Variants in MYO5B observed in about 807,000 individuals in gnomAD.
MYO5B encodes unconventional myosin-Vb.
A neutral mutation model predicts 229.3 loss-of-function variants in MYO5B; 143 were observed. That is an observed-to-expected ratio of 0.62 (90% CI 0.54 to 0.72). MYO5B has a LOEUF of 0.72. MYO5B is among the 30% of genes least tolerant of loss of function. MYO5B has a pLI of 0.00. For synonymous variants in MYO5B, 918 were observed against 885.2 expected (o/e 1.04, Z -0.66); for missense variants, 2,321 against 2,331.0 (o/e 1.00, Z 0.09).
chr18:50,131,152 C>G (rs984493858), intron 1 of MYO5B, among the ~76,000 whole-genome samples: 1 of 152,194 alleles, frequency 6.6e-6, no homozygotes, highest in African/African-American at 2.4e-5. Context: ...AAGCCCTATA[C>G]TAGCTAATAT....
chr18:50,039,972 G>C (rs2029960845), intron 3 of MYO5B, among the ~76,000 whole-genome samples, 171 bp downstream of exon 3: 1 of 151,952 alleles, frequency 6.6e-6, no homozygotes, highest in African/African-American at 2.4e-5. Flanking sequence ...ACAGAGACTG[G>C]GGCAGCCTAA....
chr18:49,849,802 G>A (rs541238847), intron 31 of MYO5B, 142 bp from the exon 32 acceptor site: 3 of 740,338 alleles, frequency 4.1e-6, no homozygotes, highest in Middle Eastern at 3.3e-4. Flanking sequence ...GCTGCCAGGA[G>A]AGCTGCTCTT....
rs74445071 is a variant in MYO5B at position 49,932,520 on chromosome 18, G to A, written c.2004-2922C>T. 2.4e-3 allele frequency among the ~76,000 whole-genome samples: 372 copies of A among 152,286 alleles called. 6 individuals carry two copies. The East Asian group carries it at 0.032, about 13-fold the overall frequency. The stretch of plus-strand genomic sequence containing the variant: ...CCTGTGGTCTGGGGCAAAGAACTCA[G>A]TGTGGCCTCCGCTCTGCCACTAACA... On this transcript the variant is annotated intron_variant, in intron 16 of 39. Coordinates refer to ENST00000285039, the MANE Select transcript of MYO5B (RefSeq NM_001080467.3).
At chr18:49,886,050 C>T (rs1196893170) in intron 22 of MYO5B, among the ~76,000 whole-genome samples, 2 of 152,154 alleles carry the variant, frequency 1.3e-5, no homozygotes, top group Non-Finnish European at 2.9e-5. Context: ...GGTGATCCTC[C>T]CACCTCAGCC....
In MYO5B at chr18:49,902,650, G is replaced by A; in HGVS notation, c.2755C>T (p.Leu919Phe). Residue 919 changes from leucine to phenylalanine, a missense_variant, in exon 21 of 40, where the codon CTC becomes TTC. Physicochemically the swap from Leu to Phe is conservative, Grantham distance 22 (BLOSUM62 0). This residue lies in a region of MYO5B where 2,113 missense variants were observed against 2,044.7 expected (regional missense o/e 1.03). Coordinates refer to ENST00000285039, the MANE Select transcript of MYO5B (RefSeq NM_001080467.3). ...ACCTTGTTCTCCATGCCCACGTTGA[G>A]ACGTTTCAGATGCTCTGCTGAGCGG... ...EARSAEHLKR[L>F]NVGMENKVVQ... The A allele has an allele frequency of 3.1e-6, 5 of 1,613,434 alleles. No homozygotes were observed. The highest frequency in any genetic ancestry group is 4.2e-6 in the Non-Finnish European group (5 of 1,180,036).
At chr18:49,856,630 C>T (rs2024265385) in intron 30 of MYO5B, among the ~76,000 whole-genome samples, 183 bp downstream of exon 30, 1 of 152,220 alleles carries the variant, frequency 6.6e-6, no homozygotes, top group African/African-American at 2.4e-5. Context: ...AACCAGCCAC[C>T]CTCAGCCATA....
intron 22 of MYO5B, among the ~76,000 whole-genome samples, chr18:49,882,787 C>T (rs992734288): frequency 6.6e-6 from 1 of 151,896 alleles, no homozygotes; most frequent in African/African-American, 2.4e-5. Context: ...AATGGAAATA[C>T]ACACTTTAAA....
chr18:50,042,846 C>G (rs1437404975), intron 2 of MYO5B, among the ~76,000 whole-genome samples: 1 of 152,132 alleles, frequency 6.6e-6, no homozygotes, highest in Non-Finnish European at 1.5e-5. Flanking sequence ...TCATGTCTTT[C>G]AGATTAGAAA....
At chr18:50,177,639 A>G (rs980977922) in intron 1 of MYO5B, among the ~76,000 whole-genome samples, 4 of 152,206 alleles carry the variant, frequency 2.6e-5, no homozygotes, top group Middle Eastern at 3.2e-3. Context: ...AGGGATTCCA[A>G]GAGTTCTTTT....
At chr18:50,161,418 C>T (rs1357797456) in intron 1 of MYO5B, among the ~76,000 whole-genome samples, 1 of 151,982 alleles carries the variant, frequency 6.6e-6, no homozygotes. Flanking sequence ...TGAAGGACCG[C>T]TCCCCTCTAA....
At chr18:50,015,884 G>C (rs2026210461) in intron 4 of MYO5B, among the ~76,000 whole-genome samples, 1 of 152,228 alleles carries the variant, frequency 6.6e-6, no homozygotes, top group African/African-American at 2.4e-5. Flanking sequence ...GGTAAGGGCT[G>C]ATCTGGAACA....
In MYO5B at chr18:50,053,070, ACT is replaced by A. The variant is rs1265507167; in HGVS notation, c.138+2196_138+2197del. Reference sequence around the variant, plus strand: ...ATGGATAATTTCAGCTTCAGAGGAGACTCTCTGCATTCAAAGTGTGGCCACGT... The same window carrying A: ...ATGGATAATTTCAGCTTCAGAGGAGACTCTGCATTCAAAGTGTGGCCACGT... On this transcript the variant is annotated intron_variant, in intron 2 of 39. Coordinates refer to ENST00000285039, the MANE Select transcript of MYO5B (RefSeq NM_001080467.3). 5.3e-5 allele frequency among the ~76,000 whole-genome samples: 8 copies of A among 151,922 alleles called. No individual in the cohort carries two copies. The East Asian group carries it at 1.5e-3, about 29-fold the overall frequency.
chr18:50,110,725 T>A (rs1199662234), intron 1 of MYO5B, among the ~76,000 whole-genome samples: 1 of 152,178 alleles, frequency 6.6e-6, no homozygotes, highest in Non-Finnish European at 1.5e-5. Flanking sequence ...GTAAACAATT[T>A]CCAAATATGT....
intron 4 of MYO5B, among the ~76,000 whole-genome samples, chr18:50,012,582 G>A (rs1227857948): frequency 1.3e-5 from 2 of 152,190 alleles, no homozygotes; most frequent in Non-Finnish European, 2.9e-5. Flanking sequence ...AGATGCACAA[G>A]CATTAAGATT....
At chr18:49,949,546 C>G (rs149370768) in intron 14 of MYO5B, among the ~76,000 whole-genome samples, 3 of 152,132 alleles carry the variant, frequency 2.0e-5, no homozygotes, top group Admixed American at 2.0e-4. Context: ...TTTCACTGCT[C>G]GTAGTGGGAG....
At chr18:49,908,741 T>C (rs1598874841) in intron 18 of MYO5B, among the ~76,000 whole-genome samples, 1 of 152,350 alleles carries the variant, frequency 6.6e-6, no homozygotes, top group East Asian at 1.9e-4. Flanking sequence ...ATTAGACTAT[T>C]ATTAATTCTG....
At chr18:49,884,195 C>T (rs944506259) in intron 22 of MYO5B, among the ~76,000 whole-genome samples, 2 of 152,096 alleles carry the variant, frequency 1.3e-5, no homozygotes, top group African/African-American at 2.4e-5. Flanking sequence ...GGGCAACCCA[C>T]AGAATGGGAA....
chr18:49,975,847 T>C (rs1030618397), intron 9 of MYO5B, among the ~76,000 whole-genome samples: 1 of 152,204 alleles, frequency 6.6e-6, no homozygotes, highest in African/African-American at 2.4e-5. Flanking sequence ...CTACCCCAGC[T>C]GCCTCTACTG....
At chr18:50,069,097 A>G (rs1351956698) in intron 1 of MYO5B, among the ~76,000 whole-genome samples, 1 of 152,088 alleles carries the variant, frequency 6.6e-6, no homozygotes, top group African/African-American at 2.4e-5. Context: ...CTAGCCCAAG[A>G]ACACTCATCT....
Sources: gnomAD v4.1 joint callset for allele counts (sites outside exome capture counted in the v4.1 genomes callset) on GRCh38, gnomAD v4.1.1 for gene constraint, gnomAD v4.1.1 regional missense constraint, MANE v1.5 for transcripts, NCBI Gene and HGNC (gene_info 2026-07-23, HGNC 2026-07-21) for gene names.